PTPRT: variants seen among roughly 807,000 people sequenced by gnomAD.
The protein encoded by PTPRT is protein tyrosine phosphatase receptor type T.
In PTPRT, 56 loss-of-function variants were observed where a neutral mutation model predicts 176.8. The ratio of observed to expected loss-of-function variants is 0.32; its 90% CI spans 0.26 to 0.40. The LOEUF is 0.40. Among genes scored for constraint, PTPRT ranks in the 10% least tolerant of loss-of-function variants. PTPRT has a pLI of 1.00. For synonymous variants in PTPRT, 783 were observed against 739.0 expected (o/e 1.06, Z -0.96); for missense variants, 1,540 against 1,908.2 (o/e 0.81, Z 3.60).
At chr20:42,457,642 C>T (rs1221948907) in intron 8 of PTPRT, among the ~76,000 whole-genome samples, 1 of 152,074 alleles carries the variant, frequency 6.6e-6, no homozygotes, top group East Asian at 1.9e-4. Flanking sequence ...TAGATATATT[C>T]ATACATTACT....
intron 2 of PTPRT, among the ~76,000 whole-genome samples, chr20:42,866,756 G>T (rs2078753097): frequency 6.6e-6 from 1 of 152,020 alleles, no homozygotes; most frequent in South Asian, 2.1e-4. Flanking sequence ...CAAGAGTATT[G>T]GTTTGAGTAT....
At chr20:42,768,854 G>A (rs77948471) in intron 5 of PTPRT, among the ~76,000 whole-genome samples, 4,789 of 152,282 alleles carry the variant, frequency 0.031, 241 homozygotes, top group African/African-American at 0.11. Context: ...CAAATATTCA[G>A]TTATGATCTC....
intron 16 of PTPRT, among the ~76,000 whole-genome samples, chr20:42,197,183 T>C (rs1405195086): frequency 6.6e-6 from 1 of 151,714 alleles, no homozygotes; most frequent in African/African-American, 2.4e-5. Context: ...ATCGAGACCA[T>C]CCTGGCAAAC....
chr20:42,516,146 C>T (rs1391899969), intron 7 of PTPRT, among the ~76,000 whole-genome samples: 2 of 150,386 alleles, frequency 1.3e-5, no homozygotes, highest in African/African-American at 4.9e-5. Flanking sequence ...GGAGATACAC[C>T]TAAGGCTAGA....
the PTPRT span, among the ~76,000 whole-genome samples, chr20:42,041,872 G>A: frequency 1.3e-5 from 2 of 152,078 alleles, no homozygotes; most frequent in Admixed American, 6.6e-5. Context: ...TAGGGTAGTG[G>A]CATAATCGAA....
intron 7 of PTPRT, among the ~76,000 whole-genome samples, chr20:42,654,684 T>C (rs569450471): frequency 1.3e-5 from 2 of 152,348 alleles, no homozygotes; most frequent in Admixed American, 1.3e-4. Flanking sequence ...TATCTGTTCA[T>C]TAAAGCCTCA....
At chr20:42,274,089 C>A (rs955513342) in intron 13 of PTPRT, among the ~76,000 whole-genome samples, 5 of 152,210 alleles carry the variant, frequency 3.3e-5, no homozygotes, top group Non-Finnish European at 5.9e-5. Context: ...GTCCTGTTTA[C>A]ATATATGGTT....
intron 9 of PTPRT, among the ~76,000 whole-genome samples, chr20:42,432,468 G>C (rs941274155): frequency 3.3e-5 from 5 of 152,142 alleles, no homozygotes; most frequent in Admixed American, 3.3e-4. Flanking sequence ...GGGGACCCCA[G>C]AGAAACCTGA....
chr20:42,849,585 G>A (rs979446736), intron 2 of PTPRT, among the ~76,000 whole-genome samples: 4 of 152,098 alleles, frequency 2.6e-5, no homozygotes, highest in African/African-American at 4.8e-5. Flanking sequence ...TGGTACAGTG[G>A]GCAGAGCATC....
At chr20:42,166,816 G>A (rs540113566) in intron 16 of PTPRT, among the ~76,000 whole-genome samples, 1 of 152,256 alleles carries the variant, frequency 6.6e-6, no homozygotes, top group African/African-American at 2.4e-5. Flanking sequence ...AGCTACTTGG[G>A]AGGCTGAGGC....
At chr20:42,281,880 A>G (rs1409691912) in intron 13 of PTPRT, among the ~76,000 whole-genome samples, 5 of 152,178 alleles carry the variant, frequency 3.3e-5, no homozygotes, top group Admixed American at 2.0e-4. Flanking sequence ...TTGTTTTTTA[A>G]AAAGAGTAAT....
chr20:42,652,649 G>A (rs2075053268), intron 7 of PTPRT, among the ~76,000 whole-genome samples: 1 of 152,152 alleles, frequency 6.6e-6, no homozygotes, highest in South Asian at 2.1e-4. Flanking sequence ...GGAGGCTACT[G>A]AAGACATTGA....
intron 3 of PTPRT, among the ~76,000 whole-genome samples, chr20:42,785,630 C>T (rs553316736): frequency 2.0e-5 from 3 of 152,154 alleles, no homozygotes; most frequent in Non-Finnish European, 4.4e-5. Context: ...TAACATCTCT[C>T]TCCAAACTGC....
At chr20:43,069,674 C>A (rs546712261) in intron 1 of PTPRT, among the ~76,000 whole-genome samples, 2 of 152,192 alleles carry the variant, frequency 1.3e-5, no homozygotes, top group South Asian at 2.1e-4. Context: ...TATCTTTTAG[C>A]AAAGGCAAGT....
chr20:42,684,564 A>G (rs759962110), intron 6 of PTPRT, among the ~76,000 whole-genome samples: 5 of 152,166 alleles, frequency 3.3e-5, no homozygotes, highest in Non-Finnish European at 7.3e-5. Flanking sequence ...ATTTAGAGAG[A>G]AGACATCAAA....
intron 19 of PTPRT, among the ~76,000 whole-genome samples, chr20:42,128,294 A>T (rs1987956776): frequency 6.6e-6 from 1 of 152,006 alleles, no homozygotes; most frequent in South Asian, 2.1e-4. Context: ...TGTACTTTTG[A>T]CACTTAACAA....
chr20:42,200,742 G>C (rs1303646641), intron 15 of PTPRT, among the ~76,000 whole-genome samples: 1 of 152,148 alleles, frequency 6.6e-6, no homozygotes, highest in African/African-American at 2.4e-5. Flanking sequence ...AAATATAGCT[G>C]TTATAGTCTT....
At chr20:42,998,966 TC>T (rs1984376855) in intron 1 of PTPRT, among the ~76,000 whole-genome samples, 1 of 152,190 alleles carries the variant, frequency 6.6e-6, no homozygotes, top group Non-Finnish European at 1.5e-5. Context: ...CCACTACTTC[TC>T]CAACCATTTC....
intron 9 of PTPRT, among the ~76,000 whole-genome samples, chr20:42,366,527 C>T (rs114901322): frequency 7.2e-4 from 109 of 152,366 alleles, no homozygotes; most frequent in African/African-American, 1.7e-3. Context: ...ACTCTGCCCT[C>T]TCTGTCCAGT....
Sources: allele counts gnomAD v4.1 joint callset (sites outside exome capture counted in the v4.1 genomes callset), GRCh38; gene constraint gnomAD v4.1.1; transcripts MANE v1.5; gene names NCBI Gene and HGNC (gene_info 2026-07-23, HGNC 2026-07-21).